Variants in HECTD4 observed in about 807,000 individuals in gnomAD.
HECTD4 encodes the protein probable E3 ubiquitin-protein ligase HECTD4.
In HECTD4, 114 loss-of-function variants were observed where a neutral mutation model predicts 471.5. That is an observed-to-expected ratio of 0.24 (90% CI 0.21 to 0.28). HECTD4 has a LOEUF of 0.28. Ranked by LOEUF, HECTD4 falls within the 10% of genes least tolerant of loss-of-function variation. The pLI, the probability that HECTD4 is intolerant of heterozygous loss-of-function variation, is 1.00. For missense variants in HECTD4, 3,866 were observed against 5,651.5 expected, an observed-to-expected ratio of 0.68 and a Z score of 10.13; for synonymous variants, 2,012 against 2,256.0, an observed-to-expected ratio of 0.89 and a Z score of 3.07.
chr12:112,204,269 T>C (rs1309602387), intron 53 of HECTD4, among the ~76,000 whole-genome samples: 2 of 152,176 alleles, frequency 1.3e-5, no homozygotes, highest in Non-Finnish European at 2.9e-5. Context: ...TGCAGCTGCC[T>C]GCCCCACTCA....
At chr12:112,368,431 A>G (rs1686839752) in intron 1 of HECTD4, among the ~76,000 whole-genome samples, 1 of 152,230 alleles carries the variant, frequency 6.6e-6, no homozygotes, top group African/African-American at 2.4e-5. Flanking sequence ...TATCAAACAG[A>G]TAACACTTTA....
rs1282326173 is a variant in HECTD4 at position 112,377,743 on chromosome 12, G to A, written c.177+4209C>T. Among the ~76,000 whole-genome samples the A allele has an allele frequency of 4.6e-5, 7 of 152,156 alleles. No individual in the cohort carries two copies. In the South Asian group the frequency reaches 1.4e-3, roughly 32 times the overall value. ...AAATTAGCTGGGCATGGTGGCACAT[G>A]CCTGTAATCCCAGCTAACTGGAAGG... is the stretch of plus-strand genomic sequence containing the variant. On this transcript the variant is annotated intron_variant, in intron 1 of 75. Transcript: ENST00000682272.
chr12:112,314,457 C>T lies in HECTD4; in HGVS notation c.785G>A (p.Arg262Lys), dbSNP rs2035438657. 2 of 1,493,294 alleles carry T rather than the reference C, an allele frequency of 1.3e-6. No individual in the cohort carries two copies. Among genetic ancestry groups the T allele is most frequent in the African/African-American group, 2.8e-5 (2 of 72,186 alleles). 92.5% of individuals were successfully genotyped at this position (1,493,294 alleles called of 1,614,324 possible). Reference sequence around the variant, plus strand: ...GTAAGGATACAAAGTGACAACTTACCTATATAGCACATCAGCTACAGGCAG... The same window carrying T: ...GTAAGGATACAAAGTGACAACTTACTTATATAGCACATCAGCTACAGGCAG... ...GSLPVADVLYRLLLLEGGPGS... is the reference protein window; with the variant it reads ...GSLPVADVLYKLLLLEGGPGS... Residue 262 changes from arginine to lysine, a missense_variant and splice_region_variant, in exon 3 of 76, where the codon AGG becomes AAG. Arg to Lys is a conservative substitution (Grantham distance 26, BLOSUM62 2). Around this residue, in one of 16 missense-constraint regions of HECTD4, gnomAD observed 440 missense variants for 636.0 expected, o/e 0.69. Coordinates refer to ENST00000682272, the MANE Select transcript of HECTD4 (RefSeq NM_001388303.1).
At chr12:112,347,193 T>C (rs1244055485) in intron 1 of HECTD4, among the ~76,000 whole-genome samples, 1 of 151,984 alleles carries the variant, frequency 6.6e-6, no homozygotes, top group Non-Finnish European at 1.5e-5. Flanking sequence ...AATGAGTTGG[T>C]GTCTGTCAAG....
intron 6 of HECTD4, among the ~76,000 whole-genome samples, chr12:112,308,407 T>C (rs1351861715): frequency 7.4e-6 from 1 of 135,578 alleles, no homozygotes; most frequent in African/African-American, 2.8e-5. Flanking sequence ...AATGATGCCT[T>C]CCCAAAATAG....
At position 112,167,491 on chromosome 12, in the gene HECTD4, C is replaced by T. The variant is rs760579253; in HGVS notation, c.12360G>A (p.Gln4120=). 6.8e-6 allele frequency: 11 copies of T among 1,610,784 alleles called. No homozygotes were observed. In the Admixed American group the frequency reaches 1.8e-4, roughly 27 times the overall value. Residue 4120 remains glutamine, a synonymous_variant, in exon 72 of 76, where the codon CAG becomes CAA. Transcript: ENST00000682272. The part of the protein sequence containing the change: ...TPSPITYGEE[Q]LLHFLGQLLG... The stretch of plus-strand genomic sequence containing the variant: ...GCAGCTGCCCCAGGAAGTGCAGCAG[C>T]TGCTCCTCCCCGTAGGTGATGGGGC...
chr12:112,179,679 C>T lies in HECTD4; in HGVS notation c.10988-282G>A, dbSNP rs559900297. ...TGCACTTGGCCCCTACCTGGTTGCT[C>T]GGGGACGACAGGCCCCTCCCCGAGG... On this transcript the variant is annotated intron_variant, in intron 62 of 75. Coordinates refer to ENST00000682272, the MANE Select transcript of HECTD4 (RefSeq NM_001388303.1). The surrounding 1 kb of genome is among the most constrained non-coding windows in gnomAD (Gnocchi z 4.3). 2.0e-5 allele frequency among the ~76,000 whole-genome samples: 3 copies of T among 152,272 alleles called. No homozygotes were observed. In the East Asian group the frequency reaches 5.8e-4, roughly 29 times the overall value.
At chr12:112,287,941 A>G (rs2034791356) in intron 7 of HECTD4, among the ~76,000 whole-genome samples, 4 of 152,032 alleles carry the variant, frequency 2.6e-5, no homozygotes, top group African/African-American at 2.4e-5. Flanking sequence ...GGTGGCCCCT[A>G]ATGAATGATG....
At chr12:112,303,438 G>A (rs550114677) in intron 7 of HECTD4, among the ~76,000 whole-genome samples, 1 of 152,212 alleles carries the variant, frequency 6.6e-6, no homozygotes, top group Non-Finnish European at 1.5e-5. Flanking sequence ...AAAAGTAGGG[G>A]GATAAGAGAT....
Position 112,163,830 on chromosome 12 carries a change from T to C in HECTD4, c.12702-93A>G. 8.3e-7 allele frequency: 1 copy of C among 1,210,578 alleles called. No individual in the cohort carries two copies. The highest frequency in any genetic ancestry group is 1.1e-6 in the Non-Finnish European group (1 of 911,016). The allele number at this position is 1,210,578 out of a possible 1,614,324, so 75.0% of individuals were successfully genotyped here. A position where few individuals can be genotyped will look rare whatever the true frequency, so the allele number is the denominator to read the frequency against. ...ACTCAGCTGGAGGTCCCGGATCCTC[T>C]CTTGGGAGAGGCCTGGGGCCCAGCC... On this transcript the variant is annotated intron_variant, in intron 73 of 75. Coordinates refer to ENST00000682272, the MANE Select transcript of HECTD4 (RefSeq NM_001388303.1). This position sits in a 1 kb window ranked among gnomAD's most constrained non-coding sequence, Gnocchi z 8.2.
intron 60 of HECTD4, among the ~76,000 whole-genome samples, chr12:112,185,962 C>G (rs2031846882): frequency 6.6e-6 from 1 of 152,162 alleles, no homozygotes. Flanking sequence ...ACAAGAAAGC[C>G]TTACTTTGAG....
At chr12:112,343,160 T>C (rs542506563) in intron 1 of HECTD4, among the ~76,000 whole-genome samples, 82 of 152,188 alleles carry the variant, frequency 5.4e-4, no homozygotes, top group Non-Finnish European at 1.0e-3. Flanking sequence ...CTGTACCAAA[T>C]ATAACAGAAA....
At position 112,184,735 on chromosome 12, in the gene HECTD4, C is replaced by T; in HGVS notation, c.10231G>A (p.Gly3411Ser). The T allele has an allele frequency of 6.2e-7, 1 of 1,612,058 alleles. No individual in the cohort carries two copies. The highest frequency in any genetic ancestry group is 1.1e-5 in the South Asian group (1 of 90,904). ...ISGIPTHLDE[G>S]VVRGAIRKAC... ...TTGCGGATGGCGCCTCTGACTACGCCCTCGTCCAGGTGGGTGGGGATCCCG... is the reference window on the plus strand; with the variant it reads ...TTGCGGATGGCGCCTCTGACTACGCTCTCGTCCAGGTGGGTGGGGATCCCG... Residue 3411 changes from glycine (G) to serine (S), a missense_variant, in exon 61 of 76, where the codon GGC becomes AGC. Gly to Ser is a moderately conservative substitution (Grantham distance 56). Around this residue, in one of 16 missense-constraint regions of HECTD4, gnomAD observed 71 missense variants for 144.5 expected, o/e 0.49. Coordinates refer to ENST00000682272, the MANE Select transcript of HECTD4 (RefSeq NM_001388303.1). The surrounding 1 kb of genome is among the most constrained non-coding windows in gnomAD (Gnocchi z 9.1).
At chr12:112,347,015 A>G (rs928457415) in intron 1 of HECTD4, among the ~76,000 whole-genome samples, 7 of 152,176 alleles carry the variant, frequency 4.6e-5, no homozygotes, top group Non-Finnish European at 1.0e-4. Context: ...CTGCACATCA[A>G]ACAAAATCTG....
intron 7 of HECTD4, among the ~76,000 whole-genome samples, chr12:112,291,965 T>A (rs1286056895): frequency 6.6e-6 from 1 of 152,204 alleles, no homozygotes; most frequent in Non-Finnish European, 1.5e-5. Flanking sequence ...ATACATTTGG[T>A]TTGTCTCTTT....
intron 20 of HECTD4, among the ~76,000 whole-genome samples, chr12:112,257,880 TG>T (rs1157510002): frequency 6.6e-6 from 1 of 152,030 alleles, no homozygotes; most frequent in Non-Finnish European, 1.5e-5. Flanking sequence ...ATACAATAGG[TG>T]TATGTTTAAC....
intron 35 of HECTD4, among the ~76,000 whole-genome samples, chr12:112,236,076 A>G (rs1274194878): frequency 6.6e-6 from 1 of 152,240 alleles, no homozygotes; most frequent in Non-Finnish European, 1.5e-5. Context: ...ACTCAAACTA[A>G]GAGCTTTTCA....
intron 7 of HECTD4, among the ~76,000 whole-genome samples, chr12:112,285,592 C>T (rs2034734795): frequency 6.6e-6 from 1 of 152,180 alleles, no homozygotes; most frequent in Non-Finnish European, 1.5e-5. Context: ...CAGGGATCCA[C>T]CTGCCTTGTT....
intron 38 of HECTD4, among the ~76,000 whole-genome samples, chr12:112,232,466 C>T (rs2033405371): frequency 1.3e-5 from 2 of 152,146 alleles, no homozygotes; most frequent in Non-Finnish European, 2.9e-5. Flanking sequence ...CTGTGAAGAA[C>T]ACCCTGTGTG....
Sources: gnomAD v4.1 joint callset for allele counts (sites outside exome capture counted in the v4.1 genomes callset) on GRCh38, gnomAD v4.1.1 for gene constraint, gnomAD v4.1.1 regional missense constraint, Gnocchi (gnomAD v3.1) non-coding constraint, MANE v1.5 for transcripts, NCBI Gene and HGNC (gene_info 2026-07-23, HGNC 2026-07-21) for gene names.